FAM171A1: variants seen among roughly 807,000 people sequenced by gnomAD.
The protein encoded by FAM171A1 is protein FAM171A1.
Under a neutral mutation model 74.9 loss-of-function variants are expected in FAM171A1, and 23 were observed. That is an observed-to-expected ratio of 0.31 (90% CI 0.22 to 0.44). The LOEUF is 0.44. Ranked by LOEUF, FAM171A1 falls within the 20% of genes least tolerant of loss-of-function variation. The pLI, the probability that FAM171A1 is intolerant of heterozygous loss-of-function variation, is 1.00. For missense variants in FAM171A1, 1,162 were observed against 1,159.2 expected, an observed-to-expected ratio of 1.00 and a Z score of -0.03; for synonymous variants, 527 against 505.7, an observed-to-expected ratio of 1.04 and a Z score of -0.57.
chr10:15,232,647 T>C (rs959622685), intron 5 of FAM171A1, among the ~76,000 whole-genome samples: 1 of 152,200 alleles, frequency 6.6e-6, no homozygotes, highest in Non-Finnish European at 1.5e-5. Flanking sequence ...ACGAACTGTA[T>C]GGACCAAACA....
At chr10:15,216,173 C>T (rs1184019672) in intron 6 of FAM171A1, 63 bp from the exon 7 acceptor site, 2 of 1,046,328 alleles carry the variant, frequency 1.9e-6, no homozygotes, top group Middle Eastern at 2.1e-4. Flanking sequence ...AGGGATCATT[C>T]ATTGAGAACG....
chr10:15,249,820 T>C (rs1834485491), intron 4 of FAM171A1, among the ~76,000 whole-genome samples: 1 of 152,252 alleles, frequency 6.6e-6, no homozygotes, highest in African/African-American at 2.4e-5. Flanking sequence ...AGAGAATGCT[T>C]ATGAGACCGA....
Position 15,213,571 on chromosome 10 carries a change from G to A in FAM171A1, c.2017C>T (p.Leu673=), listed in dbSNP as rs140961961. ...ATCTGAGCCAAAGCCGCGTCGTTCA[G>A]GGAAGCTGGGATGGAGAGAGACTCC... ...MSESLSIPAS[L]NDAALAQMNS... is the part of the protein sequence containing the mutation. The change falls in exon 8 of 8, where the codon CTG becomes TTG. Residue 673 remains leucine (L), a synonymous_variant. Transcript: ENST00000378116. This position sits in a 1 kb window ranked among gnomAD's most constrained non-coding sequence, Gnocchi z 6.8. The A allele has an allele frequency of 1.8e-4, 284 of 1,614,214 alleles. 1 individual carries two copies. The East Asian group carries it at 6.1e-3, about 35-fold the overall frequency.
chr10:15,252,344 C>T (rs1248362138), intron 4 of FAM171A1, among the ~76,000 whole-genome samples: 2 of 152,166 alleles, frequency 1.3e-5, no homozygotes, highest in African/African-American at 4.8e-5. Flanking sequence ...CAGTCTCTTC[C>T]GCAGCCTCTC....
At chr10:15,305,669 A>AAAAAT (rs1316759537) in intron 1 of FAM171A1, among the ~76,000 whole-genome samples, 15 of 145,968 alleles carry the variant, frequency 1.0e-4, no homozygotes, top group African/African-American at 3.5e-4. Context: ...CTGGCTAAAA[A>AAAAAT]AAAAAAAAAA....
chr10:15,260,308 T>C (rs1354467617), intron 3 of FAM171A1, among the ~76,000 whole-genome samples: 3 of 152,194 alleles, frequency 2.0e-5, no homozygotes, highest in African/African-American at 7.2e-5. Flanking sequence ...GTATCATAAT[T>C]ATTTGTATAT....
intron 3 of FAM171A1, among the ~76,000 whole-genome samples, chr10:15,261,498 TA>T (rs1357982811): frequency 2.0e-5 from 3 of 152,178 alleles, no homozygotes; most frequent in Non-Finnish European, 4.4e-5. Flanking sequence ...TTCATTACTC[TA>T]ATACAGAAAA....
chr10:15,351,297 C>T (rs907609450), intron 1 of FAM171A1, among the ~76,000 whole-genome samples: 45 of 152,194 alleles, frequency 3.0e-4, no homozygotes, highest in African/African-American at 1.0e-3. Context: ...TGACTGAACC[C>T]GAGTGTGGGT....
At chr10:15,341,991 AC>A (rs1226755823) in intron 1 of FAM171A1, among the ~76,000 whole-genome samples, 12 of 152,170 alleles carry the variant, frequency 7.9e-5, no homozygotes, top group African/African-American at 2.9e-4. Context: ...AGAGTTTATT[AC>A]TGGATTCCAG....
chr10:15,351,790 A>G (rs1212977495), intron 1 of FAM171A1, among the ~76,000 whole-genome samples: 1 of 152,162 alleles, frequency 6.6e-6, no homozygotes, highest in African/African-American at 2.4e-5. Flanking sequence ...GTGGTGGCTG[A>G]TGCTTGTAAT....
In FAM171A1 at chr10:15,228,224, T is replaced by C. The variant is rs116147014; in HGVS notation, c.755-7164A>G. Reference sequence around the variant, plus strand: ...GGTAAGAAGCAGACAGACCTGATATTACAAGCACTATTGACTTTGAAAAGA... The same window carrying C: ...GGTAAGAAGCAGACAGACCTGATATCACAAGCACTATTGACTTTGAAAAGA... On this transcript the variant is annotated intron_variant, in intron 5 of 7. Coordinates refer to ENST00000378116, the MANE Select transcript of FAM171A1 (RefSeq NM_001010924.2). Among the ~76,000 whole-genome samples, 1,279 of 152,218 alleles carry C rather than the reference T, an allele frequency of 8.4e-3. 15 individuals are homozygous for C. Among genetic ancestry groups the C allele is most frequent in the African/African-American group, 0.03 (1,227 of 41,520 alleles).
chr10:15,314,133 T>G (rs188762393), intron 1 of FAM171A1, among the ~76,000 whole-genome samples: 182 of 152,346 alleles, frequency 1.2e-3, no homozygotes, highest in Admixed American at 2.4e-3. Flanking sequence ...GGTCATGCGG[T>G]ATCTGGTAGG....
intron 5 of FAM171A1, among the ~76,000 whole-genome samples, chr10:15,223,893 T>C (rs762813998): frequency 9.2e-5 from 14 of 152,122 alleles, no homozygotes; most frequent in Non-Finnish European, 1.5e-4. Flanking sequence ...AGCAAGATTC[T>C]ATCTCAATTA....
chr10:15,269,198 C>T (rs866215979), intron 3 of FAM171A1, among the ~76,000 whole-genome samples: 2 of 152,140 alleles, frequency 1.3e-5, no homozygotes, highest in African/African-American at 2.4e-5. Context: ...ACTGCAGCCT[C>T]GACCTCCTGG....
rs747350618 is a variant in FAM171A1, at chr10:15,214,172, C to T, written c.1416G>A (p.Met472Ile). The part of the protein sequence containing the change: ...EVFPLKARKS[M>I]EREGYESSGN... ...CCGAGGACTCGTAGCCTTCTCTTTC[C>T]ATAGATTTTCTTGCCTTTAAGGGAA... The change falls in exon 8 of 8, where the codon ATG (methionine) becomes ATA (isoleucine). Residue 472 changes from methionine (M) to isoleucine (I), a missense_variant. Met to Ile is a conservative substitution (Grantham distance 10). Transcript: ENST00000378116. 1 of 1,614,134 alleles carries T rather than the reference C, an allele frequency of 6.2e-7. No individual in the cohort carries two copies. Among genetic ancestry groups the T allele is most frequent in the Non-Finnish European group, 8.5e-7 (1 of 1,180,028 alleles).
chr10:15,310,223 A>T (rs765179106), intron 1 of FAM171A1, among the ~76,000 whole-genome samples: 1 of 152,174 alleles, frequency 6.6e-6, no homozygotes, highest in African/African-American at 2.4e-5. Context: ...GGAACGAAAA[A>T]TTTTTTAAAA....
chr10:15,283,816 C>T, intron 2 of FAM171A1, 62 bp downstream of exon 2: 1 of 1,541,430 alleles, frequency 6.5e-7, no homozygotes, highest in Non-Finnish European at 8.9e-7. Flanking sequence ...GACTCCTGGC[C>T]TTATGCGATC....
chr10:15,362,130 C>T (rs1289760140), intron 1 of FAM171A1, among the ~76,000 whole-genome samples: 68 of 152,118 alleles, frequency 4.5e-4, no homozygotes. Context: ...CAGATGAAAT[C>T]CACATTTGAT....
rs768891548 is a variant in FAM171A1 at position 15,212,184 on chromosome 10, T to C, written c.*731A>G. On this transcript the variant is annotated 3_prime_UTR_variant, in exon 8 of 8. Transcript: ENST00000378116. The stretch of plus-strand genomic sequence containing the variant: ...CTGTCAAAAAGGCACTTGGAGTTAA[T>C]GGGACCAGGATTGGAGGACTCTTAG... 6.6e-6 allele frequency: 1 copy of C among 152,640 alleles called. No homozygotes were observed. Among genetic ancestry groups the C allele is most frequent in the African/African-American group, 2.4e-5 (1 of 41,450 alleles). The allele number at this position is 152,640 out of a possible 1,614,324, so 9.5% of individuals were successfully genotyped here.
Sources: gnomAD v4.1 joint callset for allele counts (sites outside exome capture counted in the v4.1 genomes callset) on GRCh38, gnomAD v4.1.1 for gene constraint, Gnocchi (gnomAD v3.1) non-coding constraint, MANE v1.5 for transcripts, NCBI Gene and HGNC (gene_info 2026-07-23, HGNC 2026-07-21) for gene names.